The following FAT3 variants were observed in gnomAD, a reference collection of about 807,000 sequenced individuals.
FAT3 encodes the protein FAT atypical cadherin 3, also known as protocadherin Fat 3.
In FAT3, 95 loss-of-function variants were observed where a neutral mutation model predicts 310.2. The observed-to-expected ratio is 0.31, with a 90% CI of 0.26 to 0.36. FAT3 has a LOEUF of 0.36. FAT3 is among the 10% of genes least tolerant of loss of function. The probability of loss-of-function intolerance (pLI) is 1.00; values close to 1 mark genes in which losing one functional copy is unlikely to be tolerated. For missense variants in FAT3, 5,408 were observed against 5,715.6 expected (o/e 0.95, Z 1.74); for synonymous variants, 2,314 against 2,192.9 (o/e 1.06, Z -1.54).
At chr11:92,527,800 G>A (rs1354298693) in intron 3 of FAT3, among the ~76,000 whole-genome samples, 4 of 152,226 alleles carry the variant, frequency 2.6e-5, no homozygotes, top group Non-Finnish European at 5.9e-5. Context: ...GAAGCTGGAT[G>A]TGTAGCTAAC....
At chr11:92,393,602 T>G (rs1329663687) in intron 2 of FAT3, among the ~76,000 whole-genome samples, 1 of 152,060 alleles carries the variant, frequency 6.6e-6, no homozygotes, top group African/African-American at 2.4e-5. Context: ...GGGGAGGGGA[T>G]GGGATGTTTT....
intron 2 of FAT3, among the ~76,000 whole-genome samples, chr11:92,473,791 G>A (rs181293002): frequency 3.9e-5 from 6 of 152,290 alleles, no homozygotes; most frequent in Non-Finnish European, 5.9e-5. Flanking sequence ...AAGAAACTCA[G>A]AATGCTTTTA....
chr11:92,519,031 C>CT lies in FAT3; in HGVS notation c.3293-5601dup, dbSNP rs368368519. On this transcript the variant is annotated intron_variant, in intron 2 of 27. Transcript: ENST00000525166. The stretch of plus-strand genomic sequence containing the variant: ...AAATCCTAGTGGGTTTCCTAAGTGT[C>CT]TTATGGATTTTAAAGATGATTCTAT... Among the ~76,000 whole-genome samples the CT allele has an allele frequency of 2.0e-3, 300 of 152,102 alleles. 1 individual carries two copies. Among genetic ancestry groups the CT allele is most frequent in the African/African-American group, 6.9e-3 (285 of 41,492 alleles).
intron 7 of FAT3, among the ~76,000 whole-genome samples, chr11:92,787,452 A>G (rs1214797613): frequency 1.3e-5 from 2 of 151,058 alleles, no homozygotes; most frequent in African/African-American, 4.9e-5. Flanking sequence ...TGTTAGATGC[A>G]TATCTAGTTG....
At chr11:92,300,433 A>G (rs1946969532) in intron 1 of FAT3, among the ~76,000 whole-genome samples, 1 of 152,154 alleles carries the variant, frequency 6.6e-6, no homozygotes. Context: ...ACACTTTTGT[A>G]ACAAGTAGGT....
chr11:92,747,499 G>A (rs2852405), intron 4 of FAT3, among the ~76,000 whole-genome samples: 24,053 of 152,184 alleles, frequency 0.16, 2,042 homozygotes, highest in African/African-American at 0.2. Flanking sequence ...TGCCTTGAAG[G>A]CCTCTGACAT....
chr11:92,689,391 G>A (rs1269247092), intron 3 of FAT3, among the ~76,000 whole-genome samples: 7 of 152,216 alleles, frequency 4.6e-5, no homozygotes, highest in Non-Finnish European at 1.0e-4. Flanking sequence ...GCACATCTAA[G>A]CATGCACATC....
intron 3 of FAT3, among the ~76,000 whole-genome samples, chr11:92,582,303 C>A (rs902261629): frequency 1.3e-5 from 2 of 151,970 alleles, no homozygotes; most frequent in Non-Finnish European, 2.9e-5. Flanking sequence ...TCAGGGAATG[C>A]AGTCCAGTAG....
chr11:92,480,598 G>A (rs915073657), intron 2 of FAT3, among the ~76,000 whole-genome samples: 8 of 152,168 alleles, frequency 5.3e-5, no homozygotes, highest in African/African-American at 1.9e-4. Context: ...GACATTAGTA[G>A]CAAAATGTAA....
chr11:92,576,306 T>G (rs769050078), intron 3 of FAT3, among the ~76,000 whole-genome samples: 2 of 152,160 alleles, frequency 1.3e-5, no homozygotes, highest in Non-Finnish European at 2.9e-5. Flanking sequence ...TACTTATTGG[T>G]CTCAACCTTA....
At chr11:92,812,586 A>T (rs1947707143) in intron 13 of FAT3, among the ~76,000 whole-genome samples, 3 of 152,274 alleles carry the variant, frequency 2.0e-5, no homozygotes, top group Middle Eastern at 3.4e-3. Flanking sequence ...CATCTCAAAA[A>T]AAAAAAAGAA....
chr11:92,512,912 GGAGAT>G (rs1953349114), intron 2 of FAT3, among the ~76,000 whole-genome samples: 3 of 89,338 alleles, frequency 3.4e-5, no homozygotes, highest in African/African-American at 1.5e-4. Context: ...CACGAGGTCA[GGAGAT>G]CGAGACCATC....
At chr11:92,231,399 T>C (rs1864175425) in intron 1 of FAT3, among the ~76,000 whole-genome samples, 2 of 152,204 alleles carry the variant, frequency 1.3e-5, no homozygotes, top group South Asian at 4.1e-4. Flanking sequence ...CCTTGGACGT[T>C]CTCTATGACT....
At chr11:92,612,825 G>A (rs565339999) in intron 3 of FAT3, among the ~76,000 whole-genome samples, 1 of 152,322 alleles carries the variant, frequency 6.6e-6, no homozygotes, top group South Asian at 2.1e-4. Flanking sequence ...AAGGATGGAT[G>A]CAGTTTTGAC....
At position 92,353,636 on chromosome 11, in the gene FAT3, C is replaced by T. The variant is rs1184596710; in HGVS notation, c.1524C>T (p.Thr508=). ...ATAAAGGAGAAAATGGGTACATCAC[C>T]TATAGTATCGCTAGCCTGAATTTGT... ...DKDKGENGYI[T]YSIASLNLLP... The change falls in exon 2 of 28, where the codon ACC becomes ACT. Residue 508 remains threonine, a synonymous_variant. Transcript: ENST00000525166. The T allele has an allele frequency of 1.2e-6, 2 of 1,613,854 alleles. No individual in the cohort carries two copies. The highest frequency in any genetic ancestry group is 2.7e-5 in the African/African-American group (2 of 75,046).
chr11:92,352,849 T>C lies in FAT3; in HGVS notation c.737T>C (p.Val246Ala), dbSNP rs771993708. 2.4e-5 allele frequency: 38 copies of C among 1,613,572 alleles called. No homozygotes were observed. The highest frequency in any genetic ancestry group is 3.2e-5 in the Non-Finnish European group (38 of 1,179,826). ...RGMKLYGNNG[V>A]SSTAKLYVHI... Reference sequence around the variant, plus strand: ...ATGAAACTGTATGGGAACAATGGAGTGAGCAGTACTGCAAAGCTTTATGTT... The same window carrying C: ...ATGAAACTGTATGGGAACAATGGAGCGAGCAGTACTGCAAAGCTTTATGTT... Residue 246 changes from valine to alanine, a missense_variant, in exon 2 of 28, where the codon GTG becomes GCG. Around this residue, in one of 5 missense-constraint regions of FAT3, gnomAD observed 4,588 missense variants for 4,809.8 expected, o/e 0.95. Transcript: ENST00000525166.
At chr11:92,588,746 A>C (rs1271280680) in intron 3 of FAT3, among the ~76,000 whole-genome samples, 1 of 149,768 alleles carries the variant, frequency 6.7e-6, no homozygotes, top group African/African-American at 2.5e-5. Context: ...GATCTACAAA[A>C]AAGCAAATAG....
intron 1 of FAT3, among the ~76,000 whole-genome samples, chr11:92,324,210 C>T (rs944096853): frequency 6.6e-6 from 1 of 152,188 alleles, no homozygotes; most frequent in Non-Finnish European, 1.5e-5. Context: ...ACCAAAGTAG[C>T]ACTTATAATT....
Position 92,324,839 on chromosome 11 carries a change from T to C in FAT3, c.-17-27257T>C, listed in dbSNP as rs540042077. 2.6e-5 allele frequency among the ~76,000 whole-genome samples: 4 copies of C among 152,344 alleles called. 1 individual carries two copies. In the East Asian group the frequency reaches 7.7e-4, roughly 29 times the overall value. On this transcript the variant is annotated intron_variant, in intron 1 of 27. Coordinates refer to ENST00000525166, the MANE Select transcript of FAT3 (RefSeq NM_001367949.2). ...TGGCATCTAATCTATTTCATGACTATTATCATTAATCTAAAGATACACTGA... is the reference window on the plus strand; with the variant it reads ...TGGCATCTAATCTATTTCATGACTACTATCATTAATCTAAAGATACACTGA...
Sources: allele counts gnomAD v4.1 joint callset (sites outside exome capture counted in the v4.1 genomes callset), GRCh38; gene constraint gnomAD v4.1.1; regional missense constraint gnomAD v4.1.1; transcripts MANE v1.5; gene names NCBI Gene and HGNC (gene_info 2026-07-23, HGNC 2026-07-21).